Variants in PRKG1 observed in about 807,000 individuals in gnomAD.
The protein encoded by PRKG1 is protein kinase cGMP-dependent 1.
Under a neutral mutation model 88.1 loss-of-function variants are expected in PRKG1, and 35 were observed. The ratio of observed to expected loss-of-function variants is 0.40; its 90% confidence interval spans 0.30 to 0.53. PRKG1 has a LOEUF of 0.53. PRKG1 is among the 20% of genes least tolerant of loss of function. The pLI, the probability that PRKG1 is intolerant of heterozygous loss-of-function variation, is 0.59. For synonymous variants in PRKG1, 303 were observed against 292.5 expected (o/e 1.04, Z -0.37); for missense variants, 540 against 839.8 (o/e 0.64, Z 4.41).
chr10:51,294,503 T>C (rs1840667640), intron 2 of PRKG1, among the ~76,000 whole-genome samples: 1 of 152,166 alleles, frequency 6.6e-6, no homozygotes, highest in Non-Finnish European at 1.5e-5. Flanking sequence ...CTTGGAACAC[T>C]GTTAAAGATC....
chr10:51,719,207 C>A (rs1841957695), intron 3 of PRKG1, among the ~76,000 whole-genome samples: 1 of 151,738 alleles, frequency 6.6e-6, no homozygotes, highest in Admixed American at 6.6e-5. Context: ...ATCTTCCCTC[C>A]TTGAGGAAGT....
intron 9 of PRKG1, among the ~76,000 whole-genome samples, chr10:52,237,639 A>G (rs199753882): frequency 0.51 from 69,100 of 135,262 alleles, 19,837 homozygotes; most frequent in East Asian, 0.8. Flanking sequence ...TTCAAGGAGA[A>G]CTACAAACCA....
At chr10:51,198,146 G>A (rs151138050) in intron 2 of PRKG1, among the ~76,000 whole-genome samples, 26 of 152,270 alleles carry the variant, frequency 1.7e-4, no homozygotes, top group African/African-American at 6.3e-4. Context: ...TTTTGGGCAG[G>A]ATAGTTGGGG....
chr10:51,170,728 C>T (rs976073639), intron 2 of PRKG1, among the ~76,000 whole-genome samples: 4 of 76,124 alleles, frequency 5.3e-5, no homozygotes, highest in Non-Finnish European at 9.7e-5. Context: ...AGTATGGAAG[C>T]CAGTGTGGCA....
At chr10:51,630,847 C>T (rs1228746946) in intron 3 of PRKG1, among the ~76,000 whole-genome samples, 2 of 152,174 alleles carry the variant, frequency 1.3e-5, no homozygotes, top group African/African-American at 2.4e-5. Flanking sequence ...TAAAGGGCTT[C>T]GGAGCTTCAG....
chr10:52,282,782 C>A (rs79054918), intron 14 of PRKG1, among the ~76,000 whole-genome samples: 1 of 152,080 alleles, frequency 6.6e-6, no homozygotes, highest in African/African-American at 2.4e-5. Context: ...AGGGACACCA[C>A]AAGGTATAAA....
intron 3 of PRKG1, among the ~76,000 whole-genome samples, chr10:51,755,490 C>T (rs1253094511): frequency 2.0e-5 from 3 of 152,126 alleles, no homozygotes; most frequent in African/African-American, 4.8e-5. Context: ...GCAATAGCAA[C>T]AGCAGCAGCA....
chr10:51,711,579 A>G (rs939914718), intron 3 of PRKG1, among the ~76,000 whole-genome samples: 1 of 152,224 alleles, frequency 6.6e-6, no homozygotes, highest in African/African-American at 2.4e-5. Context: ...GAATTGCACC[A>G]TACGAAACTG....
intron 1 of PRKG1, among the ~76,000 whole-genome samples, chr10:51,016,254 G>A (rs1490910448): frequency 6.6e-6 from 1 of 152,186 alleles, no homozygotes; most frequent in African/African-American, 2.4e-5. Context: ...AAAACATCAA[G>A]TTGCACTGTA....
chr10:51,422,879 A>T (rs1838456287), intron 2 of PRKG1, among the ~76,000 whole-genome samples: 2 of 151,856 alleles, frequency 1.3e-5, no homozygotes, highest in Admixed American at 6.6e-5. Flanking sequence ...TTATTCAGAC[A>T]CTGCTTCTGG....
chr10:52,052,413 C>CA (rs535032146), intron 5 of PRKG1, among the ~76,000 whole-genome samples: 18 of 145,716 alleles, frequency 1.2e-4, no homozygotes, highest in East Asian at 2.0e-4. Context: ...CCTCTCTCTA[C>CA]AAAAAAAATA....
chr10:51,760,343 G>C (rs997952844), intron 3 of PRKG1, among the ~76,000 whole-genome samples: 6 of 152,052 alleles, frequency 3.9e-5, no homozygotes, highest in Non-Finnish European at 8.8e-5. Flanking sequence ...CTCTGTTTTA[G>C]AAAAGGGACT....
At chr10:51,886,440 C>T (rs1431612779) in intron 4 of PRKG1, among the ~76,000 whole-genome samples, 5 of 151,982 alleles carry the variant, frequency 3.3e-5, no homozygotes, top group Admixed American at 1.3e-4. Flanking sequence ...TTAGAACAAC[C>T]CAGATATTTA....
chr10:51,757,478 G>C (rs1004831457), intron 3 of PRKG1, among the ~76,000 whole-genome samples: 3 of 152,098 alleles, frequency 2.0e-5, no homozygotes, highest in Admixed American at 6.6e-5. Context: ...TAGATAAAAG[G>C]CTTTGAAGGT....
chr10:52,283,411 A>G (rs952036132), intron 14 of PRKG1, among the ~76,000 whole-genome samples: 9 of 152,090 alleles, frequency 5.9e-5, no homozygotes, highest in Non-Finnish European at 8.8e-5. Flanking sequence ...CTTTGAGCAC[A>G]GGGTACTCTG....
chr10:51,032,055 G>A (rs929688335), intron 1 of PRKG1, among the ~76,000 whole-genome samples: 1 of 152,156 alleles, frequency 6.6e-6, no homozygotes, highest in African/African-American at 2.4e-5. Context: ...GAAGTTGAGT[G>A]GGGGGAACTG....
chr10:51,722,160 C>G (rs755625095), intron 3 of PRKG1, among the ~76,000 whole-genome samples: 1 of 150,830 alleles, frequency 6.6e-6, no homozygotes, highest in African/African-American at 2.4e-5. Context: ...ACCTGGGAGG[C>G]GGAGGTTGCA....
At chr10:51,550,428 G>A (rs10762213) in intron 3 of PRKG1, among the ~76,000 whole-genome samples, 113,864 of 151,698 alleles carry the variant, frequency 0.75, 43,240 homozygotes, top group East Asian at 0.98. Context: ...TACAAATGAC[G>A]AAAGGAGATT....
chr10:51,319,087 A>G (rs1368964318), intron 2 of PRKG1, among the ~76,000 whole-genome samples: 2 of 152,232 alleles, frequency 1.3e-5, no homozygotes, highest in East Asian at 1.9e-4. Context: ...TTTCTTACAC[A>G]TTCCTGTGAA....
Sources: gnomAD v4.1 joint callset for allele counts (sites outside exome capture counted in the v4.1 genomes callset) on GRCh38, gnomAD v4.1.1 for gene constraint, MANE v1.5 for transcripts, NCBI Gene and HGNC (gene_info 2026-07-23, HGNC 2026-07-21) for gene names.